The following PIGS variants were observed in gnomAD, a reference collection of about 807,000 sequenced individuals.
PIGS encodes the protein GPI-anchor transamidase component PIGS.
In PIGS, 37 loss-of-function variants were observed where a neutral mutation model predicts 58.2. The ratio of observed to expected loss-of-function variants is 0.64; its 90% confidence interval spans 0.49 to 0.84. PIGS has a LOEUF of 0.84. Ranked by LOEUF, PIGS falls within the 40% of genes least tolerant of loss-of-function variation. PIGS has a pLI of 0.00. For missense variants in PIGS, 629 were observed against 710.8 expected, an observed-to-expected ratio of 0.88 and a Z score of 1.31; for synonymous variants, 269 against 289.2, an observed-to-expected ratio of 0.93 and a Z score of 0.71.
At chr17:28,565,197 T>C (rs1447320762) in intron 3 of PIGS, among the ~76,000 whole-genome samples, 1 of 152,158 alleles carries the variant, frequency 6.6e-6, no homozygotes, top group African/African-American at 2.4e-5. Flanking sequence ...CAAGAATCAA[T>C]ACCCGCATAA....
intron 10 of PIGS, 55 bp from the exon 11 acceptor site, chr17:28,555,116 A>C: frequency 1.5e-5 from 22 of 1,448,038 alleles, no homozygotes; most frequent in Non-Finnish European, 2.0e-5. Context: ...GCGGGAGATC[A>C]TGGCTAAGAT....
chr17:28,568,572 C>G (rs1310813439), intron 3 of PIGS, among the ~76,000 whole-genome samples: 1 of 152,186 alleles, frequency 6.6e-6, no homozygotes, highest in Non-Finnish European at 1.5e-5. Context: ...AAGTTAACAA[C>G]CTTACTCAAA....
intron 6 of PIGS, among the ~76,000 whole-genome samples, chr17:28,561,209 G>C (rs2070362060): frequency 6.6e-6 from 1 of 152,058 alleles, no homozygotes; most frequent in African/African-American, 2.4e-5. Context: ...AGTGAGCCGA[G>C]ATAGTGCCAC....
At position 28,563,910 on chromosome 17, in the gene PIGS, G is replaced by A. The variant is rs2070380009; in HGVS notation, c.287-3C>T. 4 of 1,612,540 alleles carry A rather than the reference G, an allele frequency of 2.5e-6. No individual in the cohort carries two copies. Among genetic ancestry groups the A allele is most frequent in the Non-Finnish European group, 3.4e-6 (4 of 1,178,626 alleles). On this transcript the variant is annotated splice_region_variant and splice_polypyrimidine_tract_variant and intron_variant, in intron 3 of 11. Transcript: ENST00000308360. ...ACGGCATTTGATTTTCATTTTGTCTGGGAGGGATAAGAAGTAGCACAATGA... is the reference window on the plus strand; with the variant it reads ...ACGGCATTTGATTTTCATTTTGTCTAGGAGGGATAAGAAGTAGCACAATGA...
At chr17:28,556,547 C>A (rs773695860) in intron 9 of PIGS, 3 of 717,222 alleles carry the variant, frequency 4.2e-6, no homozygotes, top group African/African-American at 1.7e-5. Context: ...AGGCTCCCAA[C>A]CTTGCAAGAC....
intron 1 of PIGS, 50 bp from the exon 2 acceptor site, chr17:28,571,238 G>A (rs2070427082): frequency 6.3e-7 from 1 of 1,586,668 alleles, no homozygotes; most frequent in Non-Finnish European, 8.6e-7. Flanking sequence ...CTAGGGTACC[G>A]GCCCCATCCC....
At position 28,553,502 on chromosome 17, in the gene PIGS, TG is replaced by T; in HGVS notation, c.*717del. 1.3e-5 allele frequency: 2 copies of T among 152,854 alleles called. No individual in the cohort carries two copies. The highest frequency in any genetic ancestry group is 3.9e-4 in the East Asian group (2 of 5,192). 9.5% of individuals were successfully genotyped at this position (152,854 alleles called of 1,614,324 possible). On this transcript the variant is annotated 3_prime_UTR_variant, in exon 12 of 12. Transcript: ENST00000308360. The stretch of plus-strand genomic sequence containing the variant: ...CATCTTGTAAGGGAGACATCATCAG[TG>T]CCATTTGAACAAATGAAAAACTGAG...
chr17:28,567,766 T>C (rs1045077724), intron 3 of PIGS, among the ~76,000 whole-genome samples: 2 of 152,238 alleles, frequency 1.3e-5, no homozygotes, highest in African/African-American at 4.8e-5. Context: ...CCCCTTCTAC[T>C]GTTCTGGTTT....
In PIGS at chr17:28,553,893, T is replaced by G; in HGVS notation, c.*327A>C. ...ATGCTCCCTCCTCTCAGTGCACAAG[T>G]GTGCTATGTTGAGAAATGGGGCAAA... On this transcript the variant is annotated 3_prime_UTR_variant, in exon 12 of 12. Transcript: ENST00000308360. 2.9e-6 allele frequency: 1 copy of G among 344,032 alleles called. No individual in the cohort carries two copies. The allele number at this position is 344,032 out of a possible 1,614,324, so 21.3% of individuals were successfully genotyped here. A position where few individuals can be genotyped will look rare whatever the true frequency, so the allele number is the denominator to read the frequency against.
chr17:28,570,875 T>C lies in PIGS; in HGVS notation c.263A>G (p.His88Arg), dbSNP rs1026221106. ...ACATTTCAGAGGAATCTCTCTTTCA[T>C]GCACAACGGTGAAGGGCAGCTTCTC... ...DQEKLPFTVVHEREIPLKYKM... is the reference protein window; with the variant it reads ...DQEKLPFTVVREREIPLKYKM... Residue 88 changes from histidine (H) to arginine (R), a missense_variant, in exon 3 of 12, where the codon CAT becomes CGT. By Grantham distance (29) the His-to-Arg change is conservative. Transcript: ENST00000308360. The C allele has an allele frequency of 2.5e-6, 4 of 1,614,098 alleles. No individual in the cohort carries two copies. The highest frequency in any genetic ancestry group is 1.3e-5 in the African/African-American group (1 of 74,926).
At position 28,555,029 on chromosome 17, in the gene PIGS, G is replaced by A; in HGVS notation, c.1214C>T (p.Pro405Leu). 1 of 1,611,862 alleles carries A rather than the reference G, an allele frequency of 6.2e-7. No individual in the cohort carries two copies. The highest frequency in any genetic ancestry group is 8.5e-7 in the Non-Finnish European group (1 of 1,178,966). Residue 405 changes from proline (P) to leucine (L), a missense_variant, in exon 11 of 12, where the codon CCT (proline) becomes CTT (leucine). Pro to Leu is a moderately conservative substitution (Grantham distance 98). Coordinates refer to ENST00000308360, the MANE Select transcript of PIGS (RefSeq NM_033198.4). ...LLFGIAQPQLPPKCLLSGPTS... is the reference protein window; with the variant it reads ...LLFGIAQPQLLPKCLLSGPTS... The stretch of plus-strand genomic sequence containing the variant: ...AGGCCCTGAAAGCAGGCATTTTGGA[G>A]GCAGCTGGGGCTGAGCAATCCCAAA...
chr17:28,563,696 C>T, intron 4 of PIGS, 122 bp downstream of exon 4: 1 of 1,274,450 alleles, frequency 7.8e-7, no homozygotes, highest in Non-Finnish European at 1.1e-6. Context: ...CCCACAGTTC[C>T]TCATTCCCAG....
chr17:28,558,398 T>C (rs2151512255), intron 8 of PIGS, 78 bp downstream of exon 8: 1 of 1,201,062 alleles, frequency 8.3e-7, no homozygotes, highest in Non-Finnish European at 1.2e-6. Flanking sequence ...CTCCAACTCC[T>C]GTCCCCTACC....
At chr17:28,563,030 G>A (rs1318700966) in intron 5 of PIGS, among the ~76,000 whole-genome samples, 4 of 152,116 alleles carry the variant, frequency 2.6e-5, no homozygotes, top group Non-Finnish European at 5.9e-5. Flanking sequence ...TGTGGAGGAC[G>A]GGTGCGGTGG....
At chr17:28,555,228 C>CA (rs2070319404) in intron 10 of PIGS, 167 bp from the exon 11 acceptor site, 1 of 613,422 alleles carries the variant, frequency 1.6e-6, no homozygotes, top group Admixed American at 3.4e-5. Flanking sequence ...GGGGCAACAC[C>CA]AAACAAGTTG....
intron 7 of PIGS, 78 bp from the exon 8 acceptor site, chr17:28,558,668 A>G: frequency 8.7e-7 from 1 of 1,143,334 alleles, no homozygotes; most frequent in Non-Finnish European, 1.3e-6. Flanking sequence ...GAGGTGCCTT[A>G]AAAAAGACAC....
At chr17:28,555,894 G>A (rs533988025) in intron 10 of PIGS, 69 of 310,164 alleles carry the variant, frequency 2.2e-4, no homozygotes, top group Middle Eastern at 2.1e-3. Flanking sequence ...GCTTGAACCC[G>A]GGAGGTGGAG....
chr17:28,570,309 G>A (rs1171117257), intron 3 of PIGS, among the ~76,000 whole-genome samples: 1 of 152,214 alleles, frequency 6.6e-6, no homozygotes, highest in Non-Finnish European at 1.5e-5. Context: ...TCAGGAGTTC[G>A]AGAGCAGCAT....
chr17:28,556,960 G>T lies in PIGS; in HGVS notation c.947C>A (p.Ala316Asp). Reference protein sequence around the residue: ...PVESRLGSSAASLYPVLNFLL... With the variant: ...PVESRLGSSADSLYPVLNFLL... The stretch of plus-strand genomic sequence containing the variant: ...AAAGTTGAGCACAGGGTACAAGGAG[G>T]CAGCACTGGATCCTGTGGTATAAAG... Residue 316 changes from alanine (A) to aspartate (D), a missense_variant, in exon 9 of 12, where the codon GCC becomes GAC. By Grantham distance (126) the Ala-to-Asp change is moderately radical (BLOSUM62 -2). Coordinates refer to ENST00000308360, the MANE Select transcript of PIGS (RefSeq NM_033198.4). 1 of 1,614,076 alleles carries T rather than the reference G, an allele frequency of 6.2e-7. No homozygotes were observed. Among genetic ancestry groups the T allele is most frequent in the Middle Eastern group, 1.7e-4 (1 of 6,060 alleles).
Sources: gnomAD v4.1 joint callset for allele counts (sites outside exome capture counted in the v4.1 genomes callset) on GRCh38, gnomAD v4.1.1 for gene constraint, MANE v1.5 for transcripts, NCBI Gene and HGNC (gene_info 2026-07-23, HGNC 2026-07-21) for gene names.